ATP2B2: variants seen among roughly 807,000 people sequenced by gnomAD.
ATP2B2 encodes the protein plasma membrane calcium-transporting ATPase 2.
In ATP2B2, 15 loss-of-function variants were observed where a neutral mutation model predicts 120.0. The observed-to-expected ratio is 0.12, with a 90% confidence interval of 0.08 to 0.19. ATP2B2 has a LOEUF of 0.19. ATP2B2 is among the 10% of genes least tolerant of loss of function. ATP2B2 has a pLI of 1.00. For missense variants in ATP2B2, 1,045 were observed against 1,719.8 expected, an observed-to-expected ratio of 0.61 and a Z score of 6.94; for synonymous variants, 694 against 700.3, an observed-to-expected ratio of 0.99 and a Z score of 0.14.
At chr3:10,684,578 C>G (rs965831360) in intron 1 of ATP2B2, among the ~76,000 whole-genome samples, 12 of 152,230 alleles carry the variant, frequency 7.9e-5, no homozygotes, top group Non-Finnish European at 2.9e-5. Context: ...CCACTCCAGG[C>G]CTGCCACTGA....
intron 1 of ATP2B2, among the ~76,000 whole-genome samples, chr3:10,501,201 G>A (rs2066373108): frequency 2.0e-5 from 3 of 152,130 alleles, no homozygotes; most frequent in African/African-American, 2.4e-5. Context: ...ACCCTGCAGA[G>A]ATTTCCTAGA....
intron 3 of ATP2B2, among the ~76,000 whole-genome samples, chr3:10,532,674 T>C (rs114570387): frequency 0.017 from 2,640 of 152,352 alleles, 42 homozygotes; most frequent in Admixed American, 0.038. Context: ...GTAATGTGTT[T>C]GGAAACAATC....
intron 12 of ATP2B2, among the ~76,000 whole-genome samples, chr3:10,364,967 T>C (rs2061000937): frequency 6.6e-6 from 1 of 152,348 alleles, no homozygotes; most frequent in East Asian, 1.9e-4. Context: ...AAATGCCTTC[T>C]CTGCGCTCAC....
intron 2 of ATP2B2, among the ~76,000 whole-genome samples, chr3:10,599,997 G>C (rs966437112): frequency 3.9e-5 from 6 of 152,124 alleles, no homozygotes; most frequent in African/African-American, 1.4e-4. Flanking sequence ...TTTCCCACAG[G>C]CCTTTCAATT....
intron 2 of ATP2B2, among the ~76,000 whole-genome samples, chr3:10,591,757 T>C (rs1477719592): frequency 2.0e-5 from 3 of 152,174 alleles, no homozygotes; most frequent in African/African-American, 4.8e-5. Context: ...TAACACCAAA[T>C]TGGTCCGATC....
chr3:10,642,835 C>T (rs1174289364), intron 1 of ATP2B2, among the ~76,000 whole-genome samples: 1 of 152,134 alleles, frequency 6.6e-6, no homozygotes, highest in Non-Finnish European at 1.5e-5. Context: ...GGCCCCCCAG[C>T]CCTGAGCTCA....
chr3:10,417,078 GC>G (rs2062815806), intron 2 of ATP2B2, among the ~76,000 whole-genome samples: 1 of 128,000 alleles, frequency 7.8e-6, no homozygotes, highest in African/African-American at 3.6e-5. Flanking sequence ...GCGGGGGGGG[GC>G]GGGCAGAGGG....
intron 3 of ATP2B2, among the ~76,000 whole-genome samples, chr3:10,408,967 A>G (rs540009021): frequency 6.6e-6 from 1 of 152,332 alleles, no homozygotes; most frequent in African/African-American, 2.4e-5. Flanking sequence ...GTGTGCCCTT[A>G]GCAAGCGATT....
intron 1 of ATP2B2, among the ~76,000 whole-genome samples, chr3:10,689,889 C>T (rs1158431840): frequency 6.6e-6 from 1 of 152,212 alleles, no homozygotes; most frequent in East Asian, 1.9e-4. Flanking sequence ...AAAGTAGGTC[C>T]TCAGTGAGGG....
At chr3:10,383,344 T>C (rs2061584278) in intron 8 of ATP2B2, among the ~76,000 whole-genome samples, 1 of 152,184 alleles carries the variant, frequency 6.6e-6, no homozygotes, top group African/African-American at 2.4e-5. Flanking sequence ...TATGTGACTC[T>C]GTAACTCTCC....
chr3:10,483,455 C>A (rs1210966684), intron 1 of ATP2B2, among the ~76,000 whole-genome samples: 1 of 152,224 alleles, frequency 6.6e-6, no homozygotes, highest in African/African-American at 2.4e-5. Flanking sequence ...GTGCCGACAC[C>A]ACCCCGAGCA....
chr3:10,675,426 A>C (rs2071216567), intron 1 of ATP2B2, among the ~76,000 whole-genome samples: 1 of 152,226 alleles, frequency 6.6e-6, no homozygotes. Flanking sequence ...TCTGTGGTTC[A>C]TACAATTTCT....
chr3:10,659,252 C>T (rs1326885969), intron 1 of ATP2B2, among the ~76,000 whole-genome samples: 1 of 152,118 alleles, frequency 6.6e-6, no homozygotes, highest in African/African-American at 2.4e-5. Flanking sequence ...CAATATTAAC[C>T]TTAAATGTAA....
chr3:10,484,395 G>A (rs1286839612), intron 1 of ATP2B2, among the ~76,000 whole-genome samples: 1 of 152,092 alleles, frequency 6.6e-6, no homozygotes, highest in Non-Finnish European at 1.5e-5. Flanking sequence ...ACAGGCTGAG[G>A]GGTCTGCATG....
chr3:10,668,226 T>A (rs2070997828), intron 1 of ATP2B2, among the ~76,000 whole-genome samples: 1 of 152,204 alleles, frequency 6.6e-6, no homozygotes, highest in Admixed American at 6.5e-5. Context: ...ATCCCCACAA[T>A]AAACTTGAAC....
intron 5 of ATP2B2, among the ~76,000 whole-genome samples, chr3:10,400,713 G>A (rs2062189633): frequency 6.6e-6 from 1 of 152,166 alleles, no homozygotes; most frequent in African/African-American, 2.4e-5. Context: ...ATGAGGGCAG[G>A]GATGCTTTGT....
intron 2 of ATP2B2, among the ~76,000 whole-genome samples, chr3:10,435,150 G>A (rs1297345260): frequency 6.6e-6 from 1 of 152,174 alleles, no homozygotes; most frequent in Admixed American, 6.5e-5. Flanking sequence ...ATGCAAAATG[G>A]GGGTAGGAGT....
At chr3:10,631,032 A>C (rs2069849327) in intron 1 of ATP2B2, among the ~76,000 whole-genome samples, 1 of 152,200 alleles carries the variant, frequency 6.6e-6, no homozygotes, top group African/African-American at 2.4e-5. Context: ...AGTTATGAGC[A>C]CAGACCCCGA....
chr3:10,494,838 C>T (rs1388904789), intron 1 of ATP2B2, among the ~76,000 whole-genome samples: 1 of 152,214 alleles, frequency 6.6e-6, no homozygotes. Flanking sequence ...CGAATCATCT[C>T]CACAATGGCT....
Sources: allele counts gnomAD v4.1 joint callset (sites outside exome capture counted in the v4.1 genomes callset), GRCh38; gene constraint gnomAD v4.1.1; transcripts MANE v1.5; gene names NCBI Gene and HGNC (gene_info 2026-07-23, HGNC 2026-07-21).